The following CNTNAP2 variants were observed in gnomAD, a reference collection of about 807,000 sequenced individuals.
CNTNAP2 encodes the protein contactin-associated protein-like 2.
A neutral mutation model predicts 155.2 loss-of-function variants in CNTNAP2; 98 were observed. That is an observed-to-expected ratio of 0.63 (90% CI 0.54 to 0.75). CNTNAP2 has a LOEUF of 0.75. Ranked by LOEUF, CNTNAP2 falls within the 30% of genes least tolerant of loss-of-function variation. CNTNAP2 has a pLI of 0.00. For synonymous variants in CNTNAP2, 651 were observed against 631.2 expected (o/e 1.03, Z -0.47); for missense variants, 1,727 against 1,688.1 (o/e 1.02, Z -0.40).
At chr7:147,725,532 A>G (rs965606355) in intron 13 of CNTNAP2, among the ~76,000 whole-genome samples, 7 of 152,112 alleles carry the variant, frequency 4.6e-5, no homozygotes, top group African/African-American at 1.7e-4. Flanking sequence ...AGCTCGCAAG[A>G]AAGATGAGTG....
intron 12 of CNTNAP2, among the ~76,000 whole-genome samples, chr7:147,621,553 G>A (rs2116893189): frequency 6.6e-6 from 1 of 151,864 alleles, no homozygotes; most frequent in Non-Finnish European, 1.5e-5. Context: ...TATACAAACA[G>A]TGTTAGTTGT....
chr7:146,180,829 C>T (rs1379053808), intron 1 of CNTNAP2, among the ~76,000 whole-genome samples: 2 of 152,240 alleles, frequency 1.3e-5, no homozygotes, highest in Middle Eastern at 6.8e-3. Flanking sequence ...TTAATATCAC[C>T]AAGGTCAGTA....
At chr7:147,111,447 C>G (rs1182072293) in intron 5 of CNTNAP2, among the ~76,000 whole-genome samples, 1 of 152,100 alleles carries the variant, frequency 6.6e-6, no homozygotes, top group African/African-American at 2.4e-5. Flanking sequence ...TTGCCTGTGC[C>G]CATGTCCTGA....
intron 8 of CNTNAP2, among the ~76,000 whole-genome samples, chr7:147,208,903 C>T (rs72611587): frequency 0.14 from 21,242 of 151,800 alleles, 2,663 homozygotes; most frequent in East Asian, 0.69. Context: ...TATTAAGAAA[C>T]TTCATTTAAT....
chr7:146,871,733 T>A (rs1466574767), intron 3 of CNTNAP2, among the ~76,000 whole-genome samples: 1 of 152,058 alleles, frequency 6.6e-6, no homozygotes, highest in Non-Finnish European at 1.5e-5. Flanking sequence ...ATGGATGTAT[T>A]TTTGGTTATA....
intron 21 of CNTNAP2, among the ~76,000 whole-genome samples, chr7:148,281,980 A>C (rs1268096834): frequency 2.0e-5 from 3 of 151,638 alleles, no homozygotes; most frequent in Non-Finnish European, 4.4e-5. Context: ...TCACACCACC[A>C]CACCCGGCTA....
intron 1 of CNTNAP2, among the ~76,000 whole-genome samples, chr7:146,426,914 G>C (rs1315995081): frequency 1.3e-5 from 2 of 151,608 alleles, no homozygotes; most frequent in Non-Finnish European, 2.9e-5. Flanking sequence ...ATGTTAAAAA[G>C]TTTGAGTTAG....
chr7:147,283,951 T>A (rs1805113593), intron 8 of CNTNAP2, among the ~76,000 whole-genome samples: 1 of 151,756 alleles, frequency 6.6e-6, no homozygotes, highest in South Asian at 2.1e-4. Flanking sequence ...ATCTTCCCTT[T>A]ACTAAGATAC....
intron 1 of CNTNAP2, among the ~76,000 whole-genome samples, chr7:146,286,704 G>A (rs945067181): frequency 6.6e-6 from 1 of 152,066 alleles, no homozygotes; most frequent in African/African-American, 2.4e-5. Flanking sequence ...TACAGAAACA[G>A]AGCCATGATC....
chr7:148,346,471 C>A (rs1285750752), intron 21 of CNTNAP2, among the ~76,000 whole-genome samples: 1 of 152,084 alleles, frequency 6.6e-6, no homozygotes, highest in Non-Finnish European at 1.5e-5. Flanking sequence ...GCGATTTTTG[C>A]CATTGAAAGT....
rs551768360 is a variant in CNTNAP2 at position 146,952,945 on chromosome 7, C to T, written c.403-90962C>T. ...CACCTATTTAAAGGAAATGCAAGCA[C>T]ATGTTTATTGTAAGTGACAGTCCTC... On this transcript the variant is annotated intron_variant, in intron 3 of 23. Transcript: ENST00000361727. Among the ~76,000 whole-genome samples the T allele has an allele frequency of 9.9e-4, 151 of 152,160 alleles. 1 individual carries two copies. The highest frequency in any genetic ancestry group is 1.8e-3 in the Non-Finnish European group (122 of 67,956).
intron 11 of CNTNAP2, among the ~76,000 whole-genome samples, chr7:147,501,569 C>A (rs1296063938): frequency 6.6e-6 from 1 of 152,060 alleles, no homozygotes; most frequent in East Asian, 1.9e-4. Flanking sequence ...AATTTTAGAT[C>A]TTTTCCTGAA....
intron 1 of CNTNAP2, among the ~76,000 whole-genome samples, chr7:146,497,469 C>G (rs905608805): frequency 6.6e-6 from 1 of 152,066 alleles, no homozygotes. Context: ...AACAACACTT[C>G]TCTTTTTTTG....
chr7:147,427,738 A>T (rs1797403159), intron 10 of CNTNAP2, among the ~76,000 whole-genome samples: 2 of 152,178 alleles, frequency 1.3e-5, no homozygotes, highest in African/African-American at 4.8e-5. Context: ...ACCATTTACA[A>T]ATGCAGGTAC....
intron 1 of CNTNAP2, among the ~76,000 whole-genome samples, chr7:146,503,438 G>A (rs1332412943): frequency 1.3e-5 from 2 of 152,172 alleles, no homozygotes; most frequent in East Asian, 3.9e-4. Flanking sequence ...TGTATTCAAT[G>A]TGTGGCCCAA....
intron 4 of CNTNAP2, among the ~76,000 whole-genome samples, chr7:147,064,066 C>T (rs1799734076): frequency 6.6e-6 from 1 of 152,124 alleles, no homozygotes; most frequent in Non-Finnish European, 1.5e-5. Context: ...TGTTTGCAAT[C>T]TTTAACAAAT....
At position 146,438,619 on chromosome 7, in the gene CNTNAP2, A is replaced by G. The variant is rs901856138; in HGVS notation, c.97+321646A>G. 2.0e-5 allele frequency among the ~76,000 whole-genome samples: 3 copies of G among 151,560 alleles called. 1 individual carries two copies. Among genetic ancestry groups the G allele is most frequent in the African/African-American group, 7.3e-5 (3 of 40,904 alleles). On this transcript the variant is annotated intron_variant, in intron 1 of 23. Transcript: ENST00000361727. Reference sequence around the variant, plus strand: ...GTAGGTTATTTTCATGAAAATAGCAATAATACTACTAAGAGTTTCTTTTTA... The same window carrying G: ...GTAGGTTATTTTCATGAAAATAGCAGTAATACTACTAAGAGTTTCTTTTTA...
At chr7:147,116,377 GC>G (rs1800989497) in intron 5 of CNTNAP2, among the ~76,000 whole-genome samples, 1 of 152,194 alleles carries the variant, frequency 6.6e-6, no homozygotes, top group Admixed American at 6.5e-5. Context: ...GATTTCTTCA[GC>G]CCCTAATCGG....
intron 1 of CNTNAP2, among the ~76,000 whole-genome samples, chr7:146,191,173 G>C (rs889131905): frequency 6.6e-6 from 1 of 152,076 alleles, no homozygotes; most frequent in Non-Finnish European, 1.5e-5. Context: ...CTGAGTGTTG[G>C]CTGGTCTGAG....
Sources: gnomAD v4.1 joint callset for allele counts (sites outside exome capture counted in the v4.1 genomes callset) on GRCh38, gnomAD v4.1.1 for gene constraint, MANE v1.5 for transcripts, NCBI Gene and HGNC (gene_info 2026-07-23, HGNC 2026-07-21) for gene names.